The following DLC1 variants were observed in gnomAD, a reference collection of about 807,000 sequenced individuals.
The protein encoded by DLC1 is DLC1 Rho GTPase activating protein, also known as rho GTPase-activating protein 7.
A neutral mutation model predicts 140.3 loss-of-function variants in DLC1; 54 were observed. The ratio of observed to expected loss-of-function variants is 0.38; its 90% CI spans 0.31 to 0.48. The LOEUF (loss-of-function observed/expected upper bound fraction) is 0.48, where lower values mean the gene tolerates loss of function less well. Among genes scored for constraint, DLC1 ranks in the 20% least tolerant of loss-of-function variants. The pLI is 0.96. For synonymous variants in DLC1, 986 were observed against 728.1 expected, an observed-to-expected ratio of 1.35 and a Z score of -5.70; for missense variants, 2,536 against 1,907.0, an observed-to-expected ratio of 1.33 and a Z score of -6.14.
chr8:13,264,930 C>T (rs1323942300), intron 5 of DLC1, among the ~76,000 whole-genome samples: 1 of 152,202 alleles, frequency 6.6e-6, no homozygotes, highest in African/African-American at 2.4e-5. Flanking sequence ...ACTACAGCAA[C>T]ATCACCTTCA....
intron 5 of DLC1, among the ~76,000 whole-genome samples, chr8:13,302,121 C>G (rs967677360): frequency 6.6e-6 from 1 of 152,318 alleles, no homozygotes; most frequent in South Asian, 2.1e-4. Flanking sequence ...AAGGCACATT[C>G]TCATCCAGAG....
intron 5 of DLC1, among the ~76,000 whole-genome samples, chr8:13,265,392 G>A (rs1830643758): frequency 6.6e-6 from 1 of 152,178 alleles, no homozygotes. Flanking sequence ...GAGTATGTGT[G>A]GGTAGGTGGT....
Position 13,132,207 on chromosome 8 carries a change from G to C in DLC1, c.1349-16550C>G, listed in dbSNP as rs988610645. On this transcript the variant is annotated intron_variant, in intron 5 of 17. Coordinates refer to ENST00000276297, the MANE Select transcript of DLC1 (RefSeq NM_182643.3). The stretch of plus-strand genomic sequence containing the variant: ...CATCTCCGGGAAAAAAACCAAAACT[G>C]TGTGTGTGTGTGTGTGTGTGTGTGT... 6.2e-5 allele frequency among the ~76,000 whole-genome samples: 6 copies of C among 96,248 alleles called. No homozygotes were observed. In the East Asian group the frequency reaches 7.6e-4, roughly 12 times the overall value. The allele number at this position is 96,248 out of a possible 152,430, so 63.1% of individuals were successfully genotyped here.
chr8:13,288,553 C>T (rs892779487), intron 5 of DLC1, among the ~76,000 whole-genome samples: 2 of 152,194 alleles, frequency 1.3e-5, no homozygotes, highest in Non-Finnish European at 2.9e-5. Flanking sequence ...TATTTCAATG[C>T]TTTCTTTCCC....
intron 10 of DLC1, 38 bp from the exon 11 acceptor site, chr8:13,095,283 C>G (rs749959647): frequency 6.2e-7 from 1 of 1,613,204 alleles, no homozygotes; most frequent in Admixed American, 1.7e-5. Flanking sequence ...TTGGCGGAGA[C>G]ATGCTCACTT....
At position 13,401,481 on chromosome 8, in the gene DLC1, G is replaced by A. The variant is rs143448922; in HGVS notation, c.1162C>T (p.Arg388Trp). 5.6e-4 allele frequency: 906 copies of A among 1,612,270 alleles called. 2 individuals carry two copies. The African/African-American group carries it at 0.011, about 20-fold the overall frequency. The change falls in exon 3 of 18, where the codon CGG becomes TGG. Residue 388 changes from arginine (R) to tryptophan (W), a missense_variant. Transcript: ENST00000276297. ...SPSGTPTNLRRHVPDLESGSE... is the reference protein window; with the variant it reads ...SPSGTPTNLRWHVPDLESGSE... ...AGTGGAAAGCTCACAGGAACGTGCC[G>A]CCGCAGGTTTGTTGGTGTGCCTGAT...
intron 4 of DLC1, among the ~76,000 whole-genome samples, chr8:13,347,971 C>A (rs368328304): frequency 6.6e-6 from 1 of 152,086 alleles, no homozygotes; most frequent in Admixed American, 6.5e-5. Flanking sequence ...CACCTGTAGT[C>A]CCAGCTACTT....
chr8:13,147,557 A>G (rs1354902148), intron 5 of DLC1, among the ~76,000 whole-genome samples: 1 of 152,204 alleles, frequency 6.6e-6, no homozygotes, highest in Non-Finnish European at 1.5e-5. Flanking sequence ...TCTGGAATTT[A>G]AGTGTATAAT....
At chr8:13,258,361 ATTTG>A (rs1388591905) in intron 5 of DLC1, among the ~76,000 whole-genome samples, 1 of 152,206 alleles carries the variant, frequency 6.6e-6, no homozygotes, top group Non-Finnish European at 1.5e-5. Context: ...TATTTTTACT[ATTTG>A]TTTAAGAATA....
intron 5 of DLC1, among the ~76,000 whole-genome samples, chr8:13,249,659 C>T (rs1416488778): frequency 6.6e-6 from 1 of 152,184 alleles, no homozygotes; most frequent in African/African-American, 2.4e-5. Context: ...TTTCTGTCTT[C>T]TCTTTTACAG....
intron 5 of DLC1, among the ~76,000 whole-genome samples, chr8:13,248,469 T>G (rs118019008): frequency 2.0e-5 from 3 of 152,102 alleles, no homozygotes; most frequent in Non-Finnish European, 2.9e-5. Context: ...GGCCGTCAAG[T>G]TCATGTCAAT....
At chr8:13,435,748 G>C (rs989821822) in intron 2 of DLC1, among the ~76,000 whole-genome samples, 33 of 152,376 alleles carry the variant, frequency 2.2e-4, no homozygotes, top group African/African-American at 7.2e-4. Flanking sequence ...TGACAAAGGA[G>C]TGGGAGAATT....
chr8:13,197,154 G>A (rs1011932413), intron 5 of DLC1, among the ~76,000 whole-genome samples: 1 of 152,218 alleles, frequency 6.6e-6, no homozygotes, highest in African/African-American at 2.4e-5. Flanking sequence ...GGTAAAGGTA[G>A]TATTAATAAC....
chr8:13,442,816 A>G (rs890637280), intron 2 of DLC1, among the ~76,000 whole-genome samples: 7 of 152,236 alleles, frequency 4.6e-5, no homozygotes, highest in Non-Finnish European at 8.8e-5. Context: ...GGGATCTAGA[A>G]CTAGAAATAC....
chr8:13,413,764 C>T (rs1837917740), intron 2 of DLC1, among the ~76,000 whole-genome samples: 1 of 152,166 alleles, frequency 6.6e-6, no homozygotes, highest in Admixed American at 6.5e-5. Context: ...ACTTGCTTCT[C>T]CTTAGCCTTC....
At chr8:13,447,786 T>G (rs899201204) in intron 2 of DLC1, among the ~76,000 whole-genome samples, 1 of 152,210 alleles carries the variant, frequency 6.6e-6, no homozygotes, top group Non-Finnish European at 1.5e-5. Context: ...TTTTATTGTT[T>G]GTTCTTTGTG....
At chr8:13,230,087 C>A (rs776723344) in intron 5 of DLC1, among the ~76,000 whole-genome samples, 2 of 152,150 alleles carry the variant, frequency 1.3e-5, no homozygotes, top group Admixed American at 1.3e-4. Context: ...TCCTAATGAG[C>A]CTTTGCTACT....
chr8:13,543,950 TCATC>T (rs746338014), intron 1 of DLC1, among the ~76,000 whole-genome samples: 13 of 151,786 alleles, frequency 8.6e-5, no homozygotes, highest in Non-Finnish European at 7.4e-5. Context: ...ATTACACAGT[TCATC>T]CATGCAACCA....
intron 4 of DLC1, among the ~76,000 whole-genome samples, chr8:13,368,775 G>A (rs183646330): frequency 6.6e-6 from 1 of 152,144 alleles, no homozygotes; most frequent in African/African-American, 2.4e-5. Context: ...GTAAGGATAA[G>A]TGATATGGAT....
Sources: allele counts gnomAD v4.1 joint callset (sites outside exome capture counted in the v4.1 genomes callset), GRCh38; gene constraint gnomAD v4.1.1; transcripts MANE v1.5; gene names NCBI Gene and HGNC (gene_info 2026-07-23, HGNC 2026-07-21).